ZDHHC15: variants seen among roughly 807,000 people sequenced by gnomAD.
ZDHHC15 encodes the protein palmitoyltransferase ZDHHC15.
ZDHHC15 carries 19 observed loss-of-function variants against 31.7 expected under a neutral mutation model. The observed-to-expected ratio is 0.60, with a 90% confidence interval of 0.42 to 0.88. ZDHHC15 has a LOEUF of 0.88. Ranked by LOEUF, ZDHHC15 falls within the 40% of genes least tolerant of loss-of-function variation. ZDHHC15 has a pLI of 0.00. For missense variants in ZDHHC15, 209 were observed against 251.2 expected (o/e 0.83, Z 1.14); for synonymous variants, 103 against 90.0 (o/e 1.14, Z -0.82).
intron 10 of ZDHHC15, among the ~76,000 whole-genome samples, chrX:75,404,674 G>A (rs1311290189): frequency 5.4e-5 from 6 of 111,896 alleles, no homozygotes; most frequent in Non-Finnish European, 1.1e-4. Context: ...AAACCACAAT[G>A]AGATACCATC....
At chrX:75,375,547 A>AC (rs1421432337) in intron 11 of ZDHHC15, among the ~76,000 whole-genome samples, 1 of 110,950 alleles carries the variant, frequency 9.0e-6, no homozygotes, top group Admixed American at 9.6e-5. Flanking sequence ...TAGTTTTTCA[A>AC]CCCACCCCCT....
intron 3 of ZDHHC15, among the ~76,000 whole-genome samples, chrX:75,471,750 G>A (rs768559765): frequency 4.8e-4 from 54 of 111,734 alleles, no homozygotes; most frequent in African/African-American, 1.7e-3. Context: ...TCTGCCACTT[G>A]GGCTATATGA....
intron 2 of ZDHHC15, among the ~76,000 whole-genome samples, chrX:75,494,548 G>A (rs1288126926): frequency 8.9e-6 from 1 of 112,105 alleles, no homozygotes; most frequent in East Asian, 2.8e-4. Flanking sequence ...CAAGGCTACA[G>A]TAACCAAAAC....
chrX:75,508,243 C>G (rs1255883666), intron 1 of ZDHHC15, among the ~76,000 whole-genome samples: 3 of 105,916 alleles, frequency 2.8e-5, no homozygotes, highest in Non-Finnish European at 5.8e-5. Flanking sequence ...TATGGTGCAC[C>G]CATTAACTCG....
intron 9 of ZDHHC15, among the ~76,000 whole-genome samples, chrX:75,420,525 G>T (rs2083613051): frequency 9.0e-6 from 1 of 111,177 alleles, no homozygotes; most frequent in African/African-American, 3.3e-5. Context: ...TTACAGCACT[G>T]TTCACAATAG....
chrX:75,385,613 C>A (rs2083171170), intron 10 of ZDHHC15, among the ~76,000 whole-genome samples: 1 of 111,128 alleles, frequency 9.0e-6, no homozygotes, highest in Admixed American at 9.6e-5. Context: ...CCATCTATTC[C>A]CTTACTGCCC....
chrX:75,414,104 T>C (rs1300907515), intron 10 of ZDHHC15, among the ~76,000 whole-genome samples: 6 of 111,999 alleles, frequency 5.4e-5, no homozygotes, highest in Non-Finnish European at 1.9e-5. Context: ...TCTGGATCAT[T>C]TCCTCAAAAA....
intron 2 of ZDHHC15, among the ~76,000 whole-genome samples, chrX:75,480,829 C>T (rs1569352735): frequency 9.0e-6 from 1 of 111,521 alleles, no homozygotes; most frequent in Non-Finnish European, 1.9e-5. Flanking sequence ...AGCACATGCA[C>T]AAAAAATATC....
At chrX:75,423,175 C>T (rs2083670548) in intron 8 of ZDHHC15, among the ~76,000 whole-genome samples, 1 of 108,588 alleles carries the variant, frequency 9.2e-6, no homozygotes, top group Admixed American at 9.9e-5. Flanking sequence ...TGCCACCACA[C>T]CCAGCTAATG....
chrX:75,439,862 C>T (rs1445121021), intron 4 of ZDHHC15, among the ~76,000 whole-genome samples: 1 of 111,665 alleles, frequency 9.0e-6, no homozygotes, highest in Non-Finnish European at 1.9e-5. Context: ...TGGGTGATCC[C>T]TTGATGTGGT....
chrX:75,407,564 G>A (rs1005454994), intron 10 of ZDHHC15, among the ~76,000 whole-genome samples: 12 of 56,935 alleles, frequency 2.1e-4, no homozygotes, highest in African/African-American at 8.3e-4. Context: ...GGCAGCCCCC[G>A]CCCGGCCAGC....
At chrX:75,453,522 C>T (rs752413492) in intron 3 of ZDHHC15, among the ~76,000 whole-genome samples, 1 of 111,553 alleles carries the variant, frequency 9.0e-6, no homozygotes, top group East Asian at 2.8e-4. Flanking sequence ...AGGGAATCCT[C>T]CCTAACTCAT....
chrX:75,494,367 T>A (rs2084952974), intron 2 of ZDHHC15, among the ~76,000 whole-genome samples: 1 of 111,145 alleles, frequency 9.0e-6, no homozygotes, highest in African/African-American at 3.3e-5. Context: ...CCCAAGGTAA[T>A]TTACAGATTC....
chrX:75,433,375 C>T (rs770474859), intron 4 of ZDHHC15, among the ~76,000 whole-genome samples: 8 of 110,153 alleles, frequency 7.3e-5, no homozygotes, highest in Admixed American at 2.0e-4. Flanking sequence ...TTGGTGCACC[C>T]ACCATCTAAG....
At chrX:75,476,311 G>GA (rs1465969607) in intron 3 of ZDHHC15, among the ~76,000 whole-genome samples, 1 of 109,926 alleles carries the variant, frequency 9.1e-6, no homozygotes, top group Non-Finnish European at 1.9e-5. Context: ...ATATTTGATA[G>GA]AATTCATCTG....
chrX:75,500,922 T>G (rs1214199113), intron 2 of ZDHHC15, among the ~76,000 whole-genome samples: 1 of 110,377 alleles, frequency 9.1e-6, no homozygotes, highest in East Asian at 2.8e-4. Flanking sequence ...AAATTAAGGT[T>G]AGTATAATTG....
chrX:75,370,716 G>T lies in ZDHHC15; in HGVS notation c.*2262C>A, dbSNP rs1046849929. 4.5e-5 allele frequency: 5 copies of T among 110,420 alleles called. No individual in the cohort carries two copies. Among genetic ancestry groups the T allele is most frequent in the Non-Finnish European group, 9.4e-5 (5 of 52,923 alleles). 9.1% of individuals were successfully genotyped at this position (110,420 alleles called of 1,213,427 possible). A position where few individuals can be genotyped will look rare whatever the true frequency, so the allele number is the denominator to read the frequency against. ...CTGGCTAATTTTTGTATTTTTAGTA[G>T]AGACAGGGTTTCTCCATGTTGGTCA... is the stretch of plus-strand genomic sequence containing the variant. On this transcript the variant is annotated 3_prime_UTR_variant, in exon 12 of 12. Coordinates refer to ENST00000373367, the MANE Select transcript of ZDHHC15 (RefSeq NM_144969.3).
chrX:75,410,731 TG>T (rs1235232425), intron 10 of ZDHHC15, among the ~76,000 whole-genome samples: 1 of 112,144 alleles, frequency 8.9e-6, no homozygotes, highest in Non-Finnish European at 1.9e-5. Flanking sequence ...ATTCCACTAC[TG>T]GGTACACATC....
chrX:75,503,734 T>A (rs1234861106), intron 2 of ZDHHC15, among the ~76,000 whole-genome samples: 3 of 111,513 alleles, frequency 2.7e-5, no homozygotes, highest in Non-Finnish European at 5.7e-5. Flanking sequence ...TGTATTTGTT[T>A]CCTAGGGCTG....
Sources: gnomAD v4.1 joint callset for allele counts (sites outside exome capture counted in the v4.1 genomes callset) on GRCh38, gnomAD v4.1.1 for gene constraint, MANE v1.5 for transcripts, NCBI Gene and HGNC (gene_info 2026-07-23, HGNC 2026-07-21) for gene names.